Variants in CCDC178 observed in about 807,000 individuals in gnomAD.
CCDC178 encodes the protein coiled-coil domain containing 178, also known as coiled-coil domain-containing protein 178.
A neutral mutation model predicts 117.4 loss-of-function variants in CCDC178; 126 were observed. That is an observed-to-expected ratio of 1.07 (90% CI 0.93 to 1.24). The LOEUF (loss-of-function observed/expected upper bound fraction) is 1.24, where lower values mean the gene tolerates loss of function less well. CCDC178 is among the 50% of genes most tolerant of loss of function. The probability of loss-of-function intolerance (pLI) is 0.00; values close to 1 mark genes in which losing one functional copy is unlikely to be tolerated. For synonymous variants in CCDC178, 283 were observed against 313.4 expected, an observed-to-expected ratio of 0.90 and a Z score of 1.02; for missense variants, 1,030 against 986.9, an observed-to-expected ratio of 1.04 and a Z score of -0.59.
chr18:33,240,429 C>T (rs186078655), intron 15 of CCDC178, among the ~76,000 whole-genome samples: 2 of 150,986 alleles, frequency 1.3e-5, no homozygotes, highest in Admixed American at 6.6e-5. Flanking sequence ...ATCAATGGAA[C>T]AAAAAGTCGA....
intron 21 of CCDC178, among the ~76,000 whole-genome samples, chr18:33,005,136 G>T (rs2055721529): frequency 6.6e-6 from 1 of 151,912 alleles, no homozygotes; most frequent in South Asian, 2.1e-4. Flanking sequence ...AAGAAAGAAA[G>T]TCAGTATATT....
chr18:32,947,370 T>C (rs1364713242), intron 22 of CCDC178, among the ~76,000 whole-genome samples: 1 of 152,222 alleles, frequency 6.6e-6, no homozygotes, highest in African/African-American at 2.4e-5. Context: ...ACTTTTAATA[T>C]GATCAGTATT....
At chr18:33,193,580 A>G (rs1284111968) in intron 20 of CCDC178, among the ~76,000 whole-genome samples, 1 of 152,156 alleles carries the variant, frequency 6.6e-6, no homozygotes, top group Admixed American at 6.5e-5. Flanking sequence ...GGTGATTTCT[A>G]TAATGTCTTA....
In CCDC178 at chr18:33,283,424, C is replaced by G. The variant is rs541956448; in HGVS notation, c.1176+9735G>C. 1.4e-4 allele frequency among the ~76,000 whole-genome samples: 22 copies of G among 152,114 alleles called. 1 individual carries two copies. In the South Asian group the frequency reaches 4.4e-3, roughly 30 times the overall value. ...CAAAACTAAAAATTGACAAATAGAA[C>G]CTAATTAAACAGTTTCTGCACAGCA... On this transcript the variant is annotated intron_variant, in intron 12 of 22. Transcript: ENST00000383096.
chr18:32,942,376 G>T (rs577512983), intron 22 of CCDC178, among the ~76,000 whole-genome samples: 1 of 152,044 alleles, frequency 6.6e-6, no homozygotes, highest in South Asian at 2.1e-4. Context: ...TCTAAGTGAG[G>T]CATAATCACT....
At chr18:33,331,699 A>T (rs1445161378) in intron 10 of CCDC178, among the ~76,000 whole-genome samples, 1 of 152,208 alleles carries the variant, frequency 6.6e-6, no homozygotes, top group African/African-American at 2.4e-5. Context: ...CTATTACTAA[A>T]AAAGGAGGAC....
chr18:33,093,927 T>C (rs1237151783), intron 20 of CCDC178, among the ~76,000 whole-genome samples: 1 of 152,044 alleles, frequency 6.6e-6, no homozygotes, highest in Non-Finnish European at 1.5e-5. Context: ...GAAATAACCA[T>C]TGTGAAGCAA....
chr18:33,117,341 G>A (rs995961553), intron 20 of CCDC178, among the ~76,000 whole-genome samples: 1 of 152,032 alleles, frequency 6.6e-6, no homozygotes, highest in Non-Finnish European at 1.5e-5. Flanking sequence ...CAATTAATGG[G>A]ATGGAGGTTA....
intron 16 of CCDC178, 69 bp downstream of exon 16, chr18:33,226,724 C>T (rs1002427905): frequency 2.1e-5 from 24 of 1,164,944 alleles, no homozygotes; most frequent in Middle Eastern, 2.0e-4. Context: ...TCATTACAGG[C>T]AAATTTAAAA....
chr18:32,943,091 A>C (rs550369618), intron 22 of CCDC178, among the ~76,000 whole-genome samples: 1 of 152,330 alleles, frequency 6.6e-6, no homozygotes, highest in African/African-American at 2.4e-5. Context: ...AAGGAGAATC[A>C]TGAAGCTGAA....
At chr18:33,389,926 T>C (rs1262345081) in intron 4 of CCDC178, among the ~76,000 whole-genome samples, 1 of 151,170 alleles carries the variant, frequency 6.6e-6, no homozygotes, top group Non-Finnish European at 1.5e-5. Flanking sequence ...ACTGTGAAAA[T>C]TAGCAAGGCA....
At chr18:33,418,226 G>T (rs1482220608) in intron 2 of CCDC178, among the ~76,000 whole-genome samples, 1 of 151,938 alleles carries the variant, frequency 6.6e-6, no homozygotes, top group African/African-American at 2.4e-5. Context: ...TACACAAACA[G>T]AACTAAAAAC....
At chr18:32,972,892 T>C (rs1874459739) in intron 22 of CCDC178, among the ~76,000 whole-genome samples, 1 of 152,058 alleles carries the variant, frequency 6.6e-6, no homozygotes, top group Non-Finnish European at 1.5e-5. Flanking sequence ...AAAGCCAAAA[T>C]TGAAATATTC....
intron 21 of CCDC178, among the ~76,000 whole-genome samples, chr18:33,055,349 T>A (rs1321851232): frequency 6.6e-6 from 1 of 152,194 alleles, no homozygotes; most frequent in Non-Finnish European, 1.5e-5. Context: ...TTTTTCTTTT[T>A]TTTAAGACAG....
intron 11 of CCDC178, among the ~76,000 whole-genome samples, chr18:33,308,454 T>C (rs1213318947): frequency 6.6e-6 from 1 of 152,132 alleles, no homozygotes; most frequent in African/African-American, 2.4e-5. Flanking sequence ...ATTTTACAGG[T>C]TCATGGGCAG....
chr18:33,400,093 G>GA (rs921539993), intron 3 of CCDC178, among the ~76,000 whole-genome samples: 1 of 147,676 alleles, frequency 6.8e-6, no homozygotes, highest in Non-Finnish European at 1.5e-5. Flanking sequence ...ATATTTTAAA[G>GA]AAATTTTTTT....
At chr18:32,967,634 A>G (rs926839758) in intron 22 of CCDC178, among the ~76,000 whole-genome samples, 1 of 151,716 alleles carries the variant, frequency 6.6e-6, no homozygotes, top group Non-Finnish European at 1.5e-5. Context: ...TACAGTTATT[A>G]GTATCATTAA....
At chr18:33,274,289 C>A (rs1431422867) in intron 12 of CCDC178, among the ~76,000 whole-genome samples, 1 of 151,610 alleles carries the variant, frequency 6.6e-6, no homozygotes, top group East Asian at 1.9e-4. Flanking sequence ...GAATTGAAAC[C>A]CTTATAAATC....
intron 21 of CCDC178, among the ~76,000 whole-genome samples, chr18:33,043,817 T>C (rs183758939): frequency 2.4e-3 from 364 of 152,032 alleles, no homozygotes; most frequent in African/African-American, 8.5e-3. Flanking sequence ...AAAAGCAAAT[T>C]ACATACTCTA....
Sources: gnomAD v4.1 joint callset for allele counts (sites outside exome capture counted in the v4.1 genomes callset) on GRCh38, gnomAD v4.1.1 for gene constraint, MANE v1.5 for transcripts, NCBI Gene and HGNC (gene_info 2026-07-23, HGNC 2026-07-21) for gene names.